The following WRN variants were observed in gnomAD, a reference collection of about 807,000 sequenced individuals.
WRN encodes the protein WRN RecQ like helicase.
In WRN, 149 loss-of-function variants were observed where a neutral mutation model predicts 180.7. That is an observed-to-expected ratio of 0.82 (90% CI 0.72 to 0.94). The LOEUF (loss-of-function observed/expected upper bound fraction) is 0.94. WRN is among the 40% of genes least tolerant of loss of function. The probability of loss-of-function intolerance (pLI) is 0.00; values close to 1 mark genes in which losing one functional copy is unlikely to be tolerated. For missense variants in WRN, 1,661 were observed against 1,700.1 expected (o/e 0.98, Z 0.40); for synonymous variants, 548 against 568.9 (o/e 0.96, Z 0.52).
intron 18 of WRN, among the ~76,000 whole-genome samples, chr8:31,103,651 T>G (rs1438835556): frequency 1.3e-5 from 2 of 152,176 alleles, no homozygotes; most frequent in African/African-American, 2.4e-5. Flanking sequence ...TTGAAGAACT[T>G]TTGGGTTGTT....
At chr8:31,129,696 T>C (rs929309243) in intron 23 of WRN, among the ~76,000 whole-genome samples, 3 of 152,134 alleles carry the variant, frequency 2.0e-5, no homozygotes, top group Non-Finnish European at 2.9e-5. Flanking sequence ...TAGGGATAGT[T>C]ACAATGATAT....
At chr8:31,065,554 A>G (rs1281756936) in intron 5 of WRN, among the ~76,000 whole-genome samples, 2 of 152,150 alleles carry the variant, frequency 1.3e-5, no homozygotes, top group African/African-American at 4.8e-5. Flanking sequence ...TGTCCCTGCA[A>G]AGGACATGAT....
At chr8:31,041,290 C>T (rs779860595) in intron 1 of WRN, among the ~76,000 whole-genome samples, 18 of 152,166 alleles carry the variant, frequency 1.2e-4, no homozygotes, top group Non-Finnish European at 1.9e-4. Context: ...CAGGAGAAGA[C>T]CAATGTCCCA....
chr8:31,146,949 T>A lies in WRN; in HGVS notation c.3384-104T>A, dbSNP rs17652297. 235,801 of 948,620 alleles carry A rather than the reference T, an allele frequency of 0.25. 30,783 individuals are homozygous for A. The highest frequency in any genetic ancestry group is 0.28 in the South Asian group (17,346 of 62,338). The allele number at this position is 948,620 out of a possible 1,614,324, so 58.8% of individuals were successfully genotyped here. ...CCTTACTGGTATCATGAAGAATAAA[T>A]GTTTGTACTGATTTGGAAAGACATT... On this transcript the variant is annotated intron_variant, in intron 28 of 34. Coordinates refer to ENST00000298139, the MANE Select transcript of WRN (RefSeq NM_000553.6).
chr8:31,068,530 T>C (rs914060075), intron 7 of WRN, among the ~76,000 whole-genome samples: 3 of 152,218 alleles, frequency 2.0e-5, no homozygotes, highest in African/African-American at 7.2e-5. Context: ...CCCTTACTTC[T>C]TTTACTTTGT....
Position 31,080,852 on chromosome 8 carries a change from T to TA in WRN, c.840-13dup, listed in dbSNP as rs766173789. On this transcript the variant is annotated splice_polypyrimidine_tract_variant and intron_variant, in intron 8 of 34. Coordinates refer to ENST00000298139, the MANE Select transcript of WRN (RefSeq NM_000553.6). ...CAATTGAAGTTGAATTAATCTTTCT[T>TA]AATTTTTTTTTTAGGGTTTCTATCT... The TA allele has an allele frequency of 6.3e-7, 1 of 1,582,608 alleles. No homozygotes were observed. Among genetic ancestry groups the TA allele is most frequent in the South Asian group, 1.2e-5 (1 of 86,510 alleles).
At chr8:31,135,791 G>C (rs1051860213) in intron 24 of WRN, among the ~76,000 whole-genome samples, 10 of 87,770 alleles carry the variant, frequency 1.1e-4, no homozygotes, top group African/African-American at 4.2e-4. Flanking sequence ...GAAGTGGCAA[G>C]TCTTTTCTTC....
chr8:31,155,170 T>G (rs964600745), intron 32 of WRN, among the ~76,000 whole-genome samples: 15 of 152,254 alleles, frequency 9.9e-5, no homozygotes, highest in African/African-American at 3.6e-4. Flanking sequence ...TGCATGCTTA[T>G]ATAGTCACAT....
At chr8:31,142,771 A>G (rs996657998) in intron 27 of WRN, 70 bp downstream of exon 27, 26 of 1,354,184 alleles carry the variant, frequency 1.9e-5, no homozygotes, top group African/African-American at 1.5e-4. Flanking sequence ...AAAATTTTAT[A>G]TTTTAATTCC....
rs147536961 is a variant in WRN, at chr8:31,093,046, G to T, written c.1898+1148G>T. Among the ~76,000 whole-genome samples the T allele has an allele frequency of 3.7e-3, 559 of 152,232 alleles. 5 individuals carry two copies. The highest frequency in any genetic ancestry group is 0.013 in the African/African-American group (527 of 41,534). On this transcript the variant is annotated intron_variant, in intron 16 of 34. Transcript: ENST00000298139. ...TGCAGCCTCTAACTACTGGGCTCAA[G>T]CTATCCTCCTGCCTCTCAAGTAGGC...
At chr8:31,062,993 G>C (rs943906609) in intron 3 of WRN, among the ~76,000 whole-genome samples, 1 of 151,852 alleles carries the variant, frequency 6.6e-6, no homozygotes, top group African/African-American at 2.4e-5. Flanking sequence ...GCCATGCCTG[G>C]CTAATTTTTT....
At chr8:31,079,860 G>A (rs1477953835) in intron 8 of WRN, among the ~76,000 whole-genome samples, 8 of 152,048 alleles carry the variant, frequency 5.3e-5, no homozygotes, top group Admixed American at 1.3e-4. Context: ...TAGGCAAAAC[G>A]GTATCATCAA....
chr8:31,130,847 A>G (rs1195121215), intron 23 of WRN, among the ~76,000 whole-genome samples: 3 of 152,196 alleles, frequency 2.0e-5, no homozygotes, highest in Non-Finnish European at 2.9e-5. Context: ...AAGGATTTTT[A>G]TATTGTTTTT....
intron 17 of WRN, among the ~76,000 whole-genome samples, chr8:31,097,314 T>C (rs562242736): frequency 3.2e-4 from 49 of 151,958 alleles, no homozygotes; most frequent in African/African-American, 1.2e-3. Flanking sequence ...TTTCAAACTT[T>C]AAAAAAAATG....
chr8:31,087,736 G>A, intron 11 of WRN, 40 bp from the exon 12 acceptor site: 1 of 1,592,018 alleles, frequency 6.3e-7, no homozygotes, highest in Non-Finnish European at 8.6e-7. Context: ...ATACGACACT[G>A]TCAGTGGTTT....
chr8:31,162,240 A>C (rs540256443), intron 33 of WRN, among the ~76,000 whole-genome samples: 3 of 152,268 alleles, frequency 2.0e-5, no homozygotes, highest in Admixed American at 6.5e-5. Flanking sequence ...TTTTCTTTAT[A>C]TCCTTCTTCT....
At position 31,147,035 on chromosome 8, in the gene WRN, T is replaced by G. The variant is rs1358570985; in HGVS notation, c.3384-18T>G. ...GAAAGAAAAGCTTTTATTATTTATT[T>G]TCTTTTAAATATTTTAGTATCATGG... On this transcript the variant is annotated intron_variant, in intron 28 of 34. Coordinates refer to ENST00000298139, the MANE Select transcript of WRN (RefSeq NM_000553.6). The G allele has an allele frequency of 6.3e-7, 1 of 1,586,894 alleles. No homozygotes were observed. Among genetic ancestry groups the G allele is most frequent in the Admixed American group, 1.7e-5 (1 of 59,540 alleles).
intron 1 of WRN, among the ~76,000 whole-genome samples, chr8:31,038,135 A>G (rs1811517484): frequency 1.3e-5 from 2 of 152,144 alleles, no homozygotes; most frequent in South Asian, 2.1e-4. Flanking sequence ...ACTAGATCAC[A>G]TGGTAAGCTT....
At chr8:31,052,532 C>T (rs1292949561) in intron 1 of WRN, among the ~76,000 whole-genome samples, 2 of 151,998 alleles carry the variant, frequency 1.3e-5, no homozygotes, top group Admixed American at 6.6e-5. Context: ...GGATTACAGG[C>T]GTGCACCACC....
Sources: gnomAD v4.1 joint callset for allele counts (sites outside exome capture counted in the v4.1 genomes callset) on GRCh38, gnomAD v4.1.1 for gene constraint, MANE v1.5 for transcripts, NCBI Gene and HGNC (gene_info 2026-07-23, HGNC 2026-07-21) for gene names.